PRKCZ: variants seen among roughly 807,000 people sequenced by gnomAD.
The protein encoded by PRKCZ is protein kinase C zeta type.
A neutral mutation model predicts 79.5 loss-of-function variants in PRKCZ; 33 were observed. The observed-to-expected ratio is 0.41, with a 90% CI of 0.31 to 0.55. The LOEUF (loss-of-function observed/expected upper bound fraction) is 0.55. PRKCZ is among the 20% of genes least tolerant of loss of function. The pLI, the probability that PRKCZ is intolerant of heterozygous loss-of-function variation, is 0.19. For missense variants in PRKCZ, 578 were observed against 813.5 expected, an observed-to-expected ratio of 0.71 and a Z score of 3.52; for synonymous variants, 342 against 320.9, an observed-to-expected ratio of 1.07 and a Z score of -0.70.
intron 9 of PRKCZ, among the ~76,000 whole-genome samples, chr1:2,151,827 T>G (rs1162283377): frequency 6.6e-6 from 1 of 151,958 alleles, no homozygotes; most frequent in Non-Finnish European, 1.5e-5. Context: ...AGCTGTATAA[T>G]TTTTGTATTT....
rs145032305 is a variant in PRKCZ, at chr1:2,053,528, C to A, written c.72-1913C>A. Among the ~76,000 whole-genome samples, 46 of 152,284 alleles carry A rather than the reference C, an allele frequency of 3.0e-4. 1 individual carries two copies. In the East Asian group the frequency reaches 8.5e-3, roughly 28 times the overall value. ...GCTGCTGGGTGCTGAGTCCTGGACG[C>A]CCCTGCTGAAGGGCACAGGGCAGCT... On this transcript the variant is annotated intron_variant, in intron 1 of 17. Coordinates refer to ENST00000378567, the MANE Select transcript of PRKCZ (RefSeq NM_002744.6).
At chr1:2,089,385 G>A (rs894547281) in intron 4 of PRKCZ, among the ~76,000 whole-genome samples, 2 of 152,170 alleles carry the variant, frequency 1.3e-5, no homozygotes, top group Admixed American at 6.5e-5. Context: ...TCTCTGGTCC[G>A]TCGGGGTCTG....
At chr1:2,169,116 C>T (rs753806372) in intron 10 of PRKCZ, 10 of 456,956 alleles carry the variant, frequency 2.2e-5, no homozygotes, top group South Asian at 7.7e-5. Flanking sequence ...CCGTGACCTG[C>T]GGTGCTGTCC....
chr1:2,050,645 C>T lies in PRKCZ; in HGVS notation c.15C>T (p.Thr5=). MPSR[T]GPKMEGSGGR... ...GGGAGCGCGCCATGCCCAGCAGGAC[C>T]GGCCCCAAGATGGAAGGGAGCGGCG... Residue 5 remains threonine (T), a synonymous_variant, in exon 1 of 18, where the codon ACC becomes ACT. Transcript: ENST00000378567. 8.2e-7 allele frequency: 1 copy of T among 1,226,102 alleles called. No homozygotes were observed. The highest frequency in any genetic ancestry group is 1.0e-6 in the Non-Finnish European group (1 of 984,176). 76.0% of individuals were successfully genotyped at this position (1,226,102 alleles called of 1,614,324 possible).
chr1:2,142,252 C>T (rs1677495003), intron 5 of PRKCZ: 2 of 299,062 alleles, frequency 6.7e-6, no homozygotes, highest in Non-Finnish European at 1.3e-5. Flanking sequence ...AGCCGAAGCG[C>T]CTCCTTTCAA....
At chr1:2,120,143 GA>G (rs1390103603) in intron 4 of PRKCZ, among the ~76,000 whole-genome samples, 7 of 151,972 alleles carry the variant, frequency 4.6e-5, no homozygotes, top group Non-Finnish European at 1.0e-4. Flanking sequence ...TCTTTTCTCT[GA>G]CTCCTGTTAA....
At chr1:2,147,130 C>A (rs554314843) in intron 7 of PRKCZ, among the ~76,000 whole-genome samples, 1 of 152,014 alleles carries the variant, frequency 6.6e-6, no homozygotes, top group South Asian at 2.1e-4. Flanking sequence ...TCCATCTATC[C>A]ATCTATTGTC....
Position 2,150,840 on chromosome 1 carries a change from G to T in PRKCZ, c.738G>T (p.Gly246=). The part of the protein sequence containing the change: ...DGMDGIKISQ[G]LGLQDFDLIR... The stretch of plus-strand genomic sequence containing the variant: ...TGGATGGAATCAAAATCTCTCAGGG[G>T]CTTGGGCTGCAGGACTTTGACCTAA... Residue 246 remains glycine (G), a synonymous_variant, in exon 9 of 18, where the codon GGG becomes GGT. Coordinates refer to ENST00000378567, the MANE Select transcript of PRKCZ (RefSeq NM_002744.6). 6.2e-7 allele frequency: 1 copy of T among 1,614,176 alleles called. No individual in the cohort carries two copies. The highest frequency in any genetic ancestry group is 8.5e-7 in the Non-Finnish European group (1 of 1,180,028).
intron 1 of PRKCZ, chr1:2,051,070 A>C: frequency 5.4e-6 from 1 of 184,558 alleles, no homozygotes; most frequent in Non-Finnish European, 1.1e-5. Context: ...TCTTAAAATC[A>C]GCGTTTCCTA....
At position 2,095,061 on chromosome 1, in the gene PRKCZ, C is replaced by T. The variant is rs552556248; in HGVS notation, c.334+35470C>T. On this transcript the variant is annotated intron_variant, in intron 4 of 17. Coordinates refer to ENST00000378567, the MANE Select transcript of PRKCZ (RefSeq NM_002744.6). ...TGCTGCTCCGCCACACCCCAGGCCCCGTAGCAGGGTGGTGGTTTGGGCAGC... is the reference window on the plus strand; with the variant it reads ...TGCTGCTCCGCCACACCCCAGGCCCTGTAGCAGGGTGGTGGTTTGGGCAGC... 7.9e-5 allele frequency among the ~76,000 whole-genome samples: 12 copies of T among 152,282 alleles called. No individual in the cohort carries two copies. The South Asian group carries it at 1.0e-3, about 13-fold the overall frequency.
intron 4 of PRKCZ, among the ~76,000 whole-genome samples, chr1:2,077,898 T>G (rs1316667657): frequency 6.6e-6 from 1 of 152,232 alleles, no homozygotes; most frequent in African/African-American, 2.4e-5. Flanking sequence ...TCATTGAGTG[T>G]TTACCTAATT....
intron 2 of PRKCZ, 87 bp from the exon 3 acceptor site, chr1:2,056,397 C>G (rs759158376): frequency 2.4e-6 from 3 of 1,229,546 alleles, no homozygotes; most frequent in Admixed American, 2.1e-5. Flanking sequence ...CCCACCAGAC[C>G]CTTGTCTGGT....
chr1:2,170,111 T>A (rs1435872149), intron 11 of PRKCZ, among the ~76,000 whole-genome samples: 5 of 152,238 alleles, frequency 3.3e-5, no homozygotes, highest in African/African-American at 1.2e-4. Flanking sequence ...CTCTTCACCC[T>A]GTTAGTGGCA....
intron 4 of PRKCZ, among the ~76,000 whole-genome samples, chr1:2,071,843 T>C (rs1313530130): frequency 2.0e-5 from 3 of 152,336 alleles, no homozygotes; most frequent in Middle Eastern, 3.4e-3. Context: ...TGCGAGCTGC[T>C]TCTGTCCAGG....
chr1:2,170,756 T>G lies in PRKCZ; in HGVS notation c.1061+1152T>G, dbSNP rs1684269704. ...CGGAGTGGAATCACAGTGTTGGTCC[T>G]TCGGTGGCTCATTTTCCTGAGCATA... On this transcript the variant is annotated intron_variant, in intron 11 of 17. Coordinates refer to ENST00000378567, the MANE Select transcript of PRKCZ (RefSeq NM_002744.6). Among the ~76,000 whole-genome samples, 2 of 152,302 alleles carry G rather than the reference T, an allele frequency of 1.3e-5. 1 individual carries two copies. The highest frequency in any genetic ancestry group is 6.8e-3 in the Middle Eastern group (2 of 294).
intron 4 of PRKCZ, among the ~76,000 whole-genome samples, chr1:2,066,362 C>T (rs78702392): frequency 1.3e-5 from 2 of 152,300 alleles, no homozygotes; most frequent in African/African-American, 4.8e-5. Context: ...CTTTCTTTCT[C>T]TCTCTCTCTG....
Position 2,168,810 on chromosome 1 carries a change from C to T in PRKCZ, c.975-708C>T. On this transcript the variant is annotated intron_variant, in intron 10 of 17. Transcript: ENST00000378567. This position sits in a 1 kb window ranked among gnomAD's most constrained non-coding sequence, Gnocchi z 4.7. ...AGAGGAGCCGCTGACCTAAAAAAAC[C>T]CGCCACAGGGTATTTCTGGGAGATT... 5.1e-6 allele frequency: 1 copy of T among 194,380 alleles called. No individual in the cohort carries two copies. The highest frequency in any genetic ancestry group is 8.0e-5 in the South Asian group (1 of 12,518). The allele number at this position is 194,380 out of a possible 1,614,324, so 12.0% of individuals were successfully genotyped here.
intron 11 of PRKCZ, among the ~76,000 whole-genome samples, chr1:2,170,738 G>A (rs1255022052): frequency 6.6e-6 from 1 of 152,206 alleles, no homozygotes; most frequent in East Asian, 1.9e-4. Flanking sequence ...CATCGGAGTG[G>A]AATCACAGTG....
In PRKCZ at chr1:2,169,613, G is replaced by T; in HGVS notation, c.1061+9G>T. ...CCTGAGGAGCACGCCAGGTGGGTGC[G>T]CGTGGACGGGGCCGGGTGGGTGCGC... On this transcript the variant is annotated intron_variant, in intron 11 of 17. Coordinates refer to ENST00000378567, the MANE Select transcript of PRKCZ (RefSeq NM_002744.6). The T allele has an allele frequency of 6.7e-7, 1 of 1,491,234 alleles. No homozygotes were observed. Among genetic ancestry groups the T allele is most frequent in the Non-Finnish European group, 9.0e-7 (1 of 1,110,866 alleles). The allele number at this position is 1,491,234 out of a possible 1,614,324, so 92.4% of individuals were successfully genotyped here. A position where few individuals can be genotyped will look rare whatever the true frequency, so the allele number is the denominator to read the frequency against.
Sources: gnomAD v4.1 joint callset for allele counts (sites outside exome capture counted in the v4.1 genomes callset) on GRCh38, gnomAD v4.1.1 for gene constraint, Gnocchi (gnomAD v3.1) non-coding constraint, MANE v1.5 for transcripts, NCBI Gene and HGNC (gene_info 2026-07-23, HGNC 2026-07-21) for gene names.